The following ASPRV1 variants were observed in gnomAD, a reference collection of about 807,000 sequenced individuals.
ASPRV1 encodes retroviral-like aspartic protease 1.
ASPRV1 carries 7 observed loss-of-function variants against 11.0 expected under a neutral mutation model. The observed-to-expected ratio is 0.64, with a 90% confidence interval of 0.36 to 1.20. ASPRV1 has a LOEUF of 1.20. Ranked by LOEUF, ASPRV1 falls within the 50% of genes most tolerant of loss-of-function variation. The pLI is 0.02. For missense variants in ASPRV1, 299 were observed against 320.0 expected, an observed-to-expected ratio of 0.93 and a Z score of 0.50; for synonymous variants, 136 against 138.4, an observed-to-expected ratio of 0.98 and a Z score of 0.12.
chr2:69,949,877 A>C, the ASPRV1 span, among the ~76,000 whole-genome samples: 2 of 152,138 alleles, frequency 1.3e-5, no homozygotes, highest in Admixed American at 1.3e-4. Context: ...GTGCAATGGC[A>C]CGATCTCAGC....
At chr2:70,051,195 T>C in the ASPRV1 span, 1 of 152,164 alleles carries the variant, frequency 6.6e-6, no homozygotes, top group Non-Finnish European at 1.5e-5. Context: ...AGAAGGTAAA[T>C]GACTTACCTA....
chr2:70,037,609 T>C, the ASPRV1 span, among the ~76,000 whole-genome samples: 1 of 151,338 alleles, frequency 6.6e-6, no homozygotes, highest in South Asian at 2.1e-4. Flanking sequence ...TATTCTTCTA[T>C]GACTTTGGCC....
the ASPRV1 span, among the ~76,000 whole-genome samples, chr2:70,027,919 T>C: frequency 6.6e-6 from 1 of 152,230 alleles, no homozygotes; most frequent in Non-Finnish European, 1.5e-5. Context: ...ACATTGTATG[T>C]ATCAGAATAT....
chr2:70,066,050 A>G, the ASPRV1 span, among the ~76,000 whole-genome samples: 2 of 151,506 alleles, frequency 1.3e-5, no homozygotes, highest in African/African-American at 2.4e-5. Flanking sequence ...TCTACTAAAA[A>G]TAACAAAAAT....
the ASPRV1 span, among the ~76,000 whole-genome samples, chr2:69,995,021 T>TA: frequency 6.7e-6 from 1 of 149,228 alleles, no homozygotes; most frequent in South Asian, 2.1e-4. Context: ...ATAAATAAAT[T>TA]AATTAATTAA....
At chr2:70,086,498 G>A in the ASPRV1 span, 1 of 151,834 alleles carries the variant, frequency 6.6e-6, no homozygotes, top group Non-Finnish European at 1.5e-5. Context: ...CTTCCAAGAT[G>A]GCGGGCCCTG....
chr2:70,080,230 C>T, the ASPRV1 span, among the ~76,000 whole-genome samples: 1 of 137,640 alleles, frequency 7.3e-6, no homozygotes, highest in African/African-American at 3.2e-5. Flanking sequence ...CCTGCCCCTT[C>T]TGTTTTTTTT....
At chr2:70,070,687 G>A in the ASPRV1 span, 6 of 157,798 alleles carry the variant, frequency 3.8e-5, no homozygotes, top group African/African-American at 1.5e-4. Context: ...AGGAGGCTGA[G>A]GCAGGAGAAT....
the ASPRV1 span, chr2:70,046,750 G>C: frequency 6.6e-6 from 1 of 152,224 alleles, no homozygotes; most frequent in East Asian, 1.9e-4. Context: ...TAGGGTGAGG[G>C]AAGTACTGGT....
At chr2:70,084,558 T>C in the ASPRV1 span, among the ~76,000 whole-genome samples, 1 of 152,254 alleles carries the variant, frequency 6.6e-6, no homozygotes, top group Non-Finnish European at 1.5e-5. Context: ...TCAGGAGGTT[T>C]TGTGAGGATT....
the ASPRV1 span, among the ~76,000 whole-genome samples, chr2:70,059,377 G>C: frequency 6.6e-6 from 1 of 151,064 alleles, no homozygotes; most frequent in Admixed American, 6.6e-5. Context: ...GGTTTTCTTA[G>C]AGGGAGCATA....
At chr2:70,031,034 G>A in the ASPRV1 span, 17 of 152,148 alleles carry the variant, frequency 1.1e-4, no homozygotes, top group East Asian at 7.7e-4. Flanking sequence ...AGGGCACTAG[G>A]AGCATTTAGA....
At chr2:69,956,043 A>T (rs956319705), downstream of ASPRV1, among the ~76,000 whole-genome samples, 1 of 152,144 alleles carries the variant, frequency 6.6e-6, no homozygotes, top group Non-Finnish European at 1.5e-5. Flanking sequence ...CAGGGAAGGG[A>T]CAAGATGAGC....
chr2:70,047,412 T>TGTAA, the ASPRV1 span, among the ~76,000 whole-genome samples: 1 of 152,176 alleles, frequency 6.6e-6, no homozygotes. Context: ...AATTCATCAA[T>TGTAA]GTAAGTGCCC....
chr2:70,061,226 T>A, the ASPRV1 span, among the ~76,000 whole-genome samples: 1 of 151,652 alleles, frequency 6.6e-6, no homozygotes, highest in Admixed American at 6.6e-5. Context: ...AGAAACCCCG[T>A]CTCCATGAAA....
chr2:69,937,596 G>A, the ASPRV1 span, among the ~76,000 whole-genome samples: 1 of 152,136 alleles, frequency 6.6e-6, no homozygotes, highest in Non-Finnish European at 1.5e-5. Flanking sequence ...AGTTTGATTG[G>A]TGTCAGTTTT....
At chr2:69,984,140 G>T in the ASPRV1 span, among the ~76,000 whole-genome samples, 122 of 152,306 alleles carry the variant, frequency 8.0e-4, no homozygotes, top group Non-Finnish European at 9.6e-4. Flanking sequence ...CCAGGTTTAA[G>T]CAATTCTCCT....
chr2:70,081,245 G>T, the ASPRV1 span: 28 of 152,182 alleles, frequency 1.8e-4, no homozygotes, highest in African/African-American at 5.1e-4. Context: ...TTCCCAGCCT[G>T]GCATTTATTT....
At chr2:69,998,464 G>A in the ASPRV1 span, among the ~76,000 whole-genome samples, 311 of 152,272 alleles carry the variant, frequency 2.0e-3, no homozygotes, top group Non-Finnish European at 3.3e-3. Context: ...TTCTGGTGCC[G>A]GGCGCAGTGG....
Sources: allele counts gnomAD v4.1 joint callset (sites outside exome capture counted in the v4.1 genomes callset), GRCh38; gene constraint gnomAD v4.1.1; transcripts MANE v1.5; gene names NCBI Gene and HGNC (gene_info 2026-07-23, HGNC 2026-07-21).